The following SLC6A16 variants were observed in gnomAD, a reference collection of about 807,000 sequenced individuals.
SLC6A16 encodes the protein solute carrier family 6 member 16, also known as orphan sodium- and chloride-dependent neurotransmitter transporter NTT5.
SLC6A16 carries 54 observed loss-of-function variants against 65.4 expected under a neutral mutation model. The observed-to-expected ratio is 0.83, with a 90% CI of 0.66 to 1.04. The LOEUF (loss-of-function observed/expected upper bound fraction) is 1.04. SLC6A16 is among the 50% of genes least tolerant of loss of function. The probability of loss-of-function intolerance (pLI) is 0.00; values close to 1 mark genes in which losing one functional copy is unlikely to be tolerated. For missense variants in SLC6A16, 816 were observed against 914.0 expected (o/e 0.89, Z 1.38); for synonymous variants, 330 against 346.5 (o/e 0.95, Z 0.53).
At chr19:49,340,146 G>A in the SLC6A16 span, 2 of 1,279,676 alleles carry the variant, frequency 1.6e-6, no homozygotes, top group Non-Finnish European at 1.1e-6. Flanking sequence ...GCCCCTTCCC[G>A]CCCAATTCAC....
At chr19:49,323,385 T>G (rs917611601) in intron 1 of SLC6A16, among the ~76,000 whole-genome samples, 1 of 152,176 alleles carries the variant, frequency 6.6e-6, no homozygotes, top group Non-Finnish European at 1.5e-5. Context: ...TGTTTTAAAT[T>G]TGTGCATCAA....
At chr19:49,331,168 T>C in the SLC6A16 span, among the ~76,000 whole-genome samples, 1 of 152,250 alleles carries the variant, frequency 6.6e-6, no homozygotes, top group East Asian at 1.9e-4. Flanking sequence ...CTTCAGTTTC[T>C]GGTAGCTCCT....
chr19:49,307,558 C>T (rs1043569451), intron 7 of SLC6A16, among the ~76,000 whole-genome samples: 12 of 151,578 alleles, frequency 7.9e-5, no homozygotes, highest in Admixed American at 1.3e-4. Flanking sequence ...AGGTCGGGCG[C>T]GGTGGCTCAC....
At chr19:49,315,872 G>A (rs951770128) in intron 1 of SLC6A16, among the ~76,000 whole-genome samples, 5 of 151,716 alleles carry the variant, frequency 3.3e-5, no homozygotes, top group Non-Finnish European at 7.4e-5. Context: ...AGTGAAGAAA[G>A]CTTGCCTTTT....
At chr19:49,296,994 A>G (rs1970198951) in intron 7 of SLC6A16, among the ~76,000 whole-genome samples, 1 of 152,096 alleles carries the variant, frequency 6.6e-6, no homozygotes, top group Non-Finnish European at 1.5e-5. Context: ...ATCTCAAAAA[A>G]TATATATATA....
upstream of SLC6A16, among the ~76,000 whole-genome samples, chr19:49,330,062 G>A (rs1013881666): frequency 6.6e-6 from 1 of 151,288 alleles, no homozygotes; most frequent in African/African-American, 2.4e-5. Flanking sequence ...AGGCTGCAAT[G>A]AGTCATGATC....
the SLC6A16 span, among the ~76,000 whole-genome samples, chr19:49,334,872 C>A: frequency 6.6e-6 from 1 of 151,874 alleles, no homozygotes; most frequent in Non-Finnish European, 1.5e-5. Flanking sequence ...AAAAGTGAGA[C>A]CCTGTCTCAA....
Position 49,308,951 on chromosome 19 carries a change from A to G in SLC6A16, c.1154T>C (p.Leu385Ser). 2 of 1,614,180 alleles carry G rather than the reference A, an allele frequency of 1.2e-6. No individual in the cohort carries two copies. The highest frequency in any genetic ancestry group is 2.2e-5 in the South Asian group (2 of 91,082). The change falls in exon 7 of 12, where the codon TTG becomes TCG. Residue 385 changes from leucine to serine, a missense_variant. Leu to Ser is a moderately radical substitution (Grantham distance 145). Coordinates refer to ENST00000335875, the MANE Select transcript of SLC6A16 (RefSeq NM_014037.3). ...GAAGTTGAAAGATGTGAAAACCAAC[A>G]AAGTGAGCAGGTTTATCACAGACAC... ...FLVSVINLLT[L>S]LVFTSFNFCV...
chr19:49,298,758 A>G (rs974161121), intron 7 of SLC6A16, among the ~76,000 whole-genome samples: 1 of 152,216 alleles, frequency 6.6e-6, no homozygotes, highest in Admixed American at 6.5e-5. Context: ...ATGTACTCAT[A>G]TGTTTATCAC....
At position 49,315,086 on chromosome 19, in the gene SLC6A16, T is replaced by G. The variant is rs1156364406; in HGVS notation, c.-64-3675A>C. ...AAAATATTACAAATATGGGGATATCTGCATCATTTCTGAAAAATAGGTTCC... is the reference window on the plus strand; with the variant it reads ...AAAATATTACAAATATGGGGATATCGGCATCATTTCTGAAAAATAGGTTCC... On this transcript the variant is annotated intron_variant, in intron 1 of 11. Transcript: ENST00000335875. Among the ~76,000 whole-genome samples the G allele has an allele frequency of 2.0e-5, 3 of 151,766 alleles. No homozygotes were observed. In the East Asian group the frequency reaches 5.8e-4, roughly 29 times the overall value.
the SLC6A16 span, chr19:49,339,238 T>C: frequency 8.6e-7 from 1 of 1,156,492 alleles, no homozygotes. This position sits in a 1 kb window ranked among gnomAD's most constrained non-coding sequence, Gnocchi z 4.5. Flanking sequence ...GGTAGATGCC[T>C]GAAGACGGTG....
chr19:49,322,816 G>GCTTTTTTTTTT (rs1695496274), intron 1 of SLC6A16, among the ~76,000 whole-genome samples: 1 of 75,192 alleles, frequency 1.3e-5, no homozygotes, highest in Non-Finnish European at 2.6e-5. Context: ...AGAATTAGTA[G>GCTTTTTTTTTT]CTTTTTTTTT....
Position 49,309,075 on chromosome 19 carries a change from C to A in SLC6A16, c.1030G>T (p.Gly344Cys). The A allele has an allele frequency of 6.2e-7, 1 of 1,614,128 alleles. No homozygotes were observed. The highest frequency in any genetic ancestry group is 8.5e-7 in the Non-Finnish European group (1 of 1,180,018). Residue 344 changes from glycine (G) to cysteine (C), a missense_variant, in exon 7 of 12, where the codon GGT (glycine) becomes TGT (cysteine). Coordinates refer to ENST00000335875, the MANE Select transcript of SLC6A16 (RefSeq NM_014037.3). ...YNMSVWSLAG[G>C]QVLSNTGIGL... ...ATGCCTGTGTTAGACAAAACTTGAC[C>A]CCCTGCTAGAGACCACACACTCATA... is the stretch of plus-strand genomic sequence containing the variant.
At chr19:49,316,141 T>C (rs1221653854) in intron 1 of SLC6A16, among the ~76,000 whole-genome samples, 1 of 152,104 alleles carries the variant, frequency 6.6e-6, no homozygotes, top group Non-Finnish European at 1.5e-5. Context: ...CAATACATAA[T>C]TAGAAAATAA....
chr19:49,304,806 T>C (rs1417852036), intron 7 of SLC6A16, among the ~76,000 whole-genome samples: 2 of 152,218 alleles, frequency 1.3e-5, no homozygotes, highest in Non-Finnish European at 2.9e-5. Context: ...GATCATCCAA[T>C]ATTTTTTTTA....
intron 1 of SLC6A16, among the ~76,000 whole-genome samples, chr19:49,315,966 G>A (rs1339077984): frequency 1.3e-5 from 2 of 151,804 alleles, no homozygotes; most frequent in Non-Finnish European, 2.9e-5. Context: ...GGAAAGCAAG[G>A]GGAATAAAAG....
At chr19:49,306,990 T>TAATAC (rs1970401939) in intron 7 of SLC6A16, among the ~76,000 whole-genome samples, 1 of 149,990 alleles carries the variant, frequency 6.7e-6, no homozygotes, top group African/African-American at 2.5e-5. Flanking sequence ...AGGGTTATTC[T>TAATAC]AGTTCTTAAT....
At chr19:49,300,315 G>A (rs2146094005) in intron 7 of SLC6A16, among the ~76,000 whole-genome samples, 1 of 152,164 alleles carries the variant, frequency 6.6e-6, no homozygotes, top group South Asian at 2.1e-4. Flanking sequence ...TCCAGCCTGG[G>A]TGACAAAGTA....
At chr19:49,338,056 C>T in the SLC6A16 span, 1 of 1,608,932 alleles carries the variant, frequency 6.2e-7, no homozygotes, top group East Asian at 2.2e-5. The surrounding 1 kb of genome is among the most constrained non-coding windows in gnomAD (Gnocchi z 5.0). Context: ...CAGTTCCCTC[C>T]CGGACTGACC....
Sources: allele counts gnomAD v4.1 joint callset (sites outside exome capture counted in the v4.1 genomes callset), GRCh38; gene constraint gnomAD v4.1.1; non-coding constraint Gnocchi (gnomAD v3.1); transcripts MANE v1.5; gene names NCBI Gene and HGNC (gene_info 2026-07-23, HGNC 2026-07-21).